The following ZNF804B variants were observed in gnomAD, a reference collection of about 807,000 sequenced individuals.
ZNF804B encodes zinc finger 804B.
In ZNF804B, 80 loss-of-function variants were observed where a neutral mutation model predicts 101.4. The ratio of observed to expected loss-of-function variants is 0.79; its 90% confidence interval spans 0.66 to 0.95. ZNF804B has a LOEUF of 0.95. Ranked by LOEUF, ZNF804B falls within the 40% of genes least tolerant of loss-of-function variation. The pLI is 0.00. For synonymous variants in ZNF804B, 622 were observed against 558.8 expected, an observed-to-expected ratio of 1.11 and a Z score of -1.59; for missense variants, 1,673 against 1,561.9, an observed-to-expected ratio of 1.07 and a Z score of -1.20.
In ZNF804B at chr7:88,899,789, A is replaced by C. The variant is rs115348554; in HGVS notation, c.108+139705A>C. Reference sequence around the variant, plus strand: ...TCCTCAGATACCCATATCTCCTTCTATGTACTAAAATCCATTTTCTCCAAA... The same window carrying C: ...TCCTCAGATACCCATATCTCCTTCTCTGTACTAAAATCCATTTTCTCCAAA... On this transcript the variant is annotated intron_variant, in intron 1 of 3. Transcript: ENST00000333190. Among the ~76,000 whole-genome samples the C allele has an allele frequency of 1.7e-3, 263 of 152,200 alleles. 1 individual carries two copies. Among genetic ancestry groups the C allele is most frequent in the African/African-American group, 6.1e-3 (254 of 41,536 alleles).
At chr7:89,094,114 G>A (rs1274140938) in intron 1 of ZNF804B, among the ~76,000 whole-genome samples, 1 of 152,188 alleles carries the variant, frequency 6.6e-6, no homozygotes, top group East Asian at 1.9e-4. Context: ...ACAGAAAAAT[G>A]AAGATGCGGC....
chr7:88,869,410 A>C (rs2115875026), intron 1 of ZNF804B, among the ~76,000 whole-genome samples: 1 of 152,314 alleles, frequency 6.6e-6, no homozygotes, highest in Admixed American at 6.5e-5. Context: ...AAAATTAAGA[A>C]GTTAGTCAGC....
At chr7:89,229,165 A>C (rs1308949733) in intron 2 of ZNF804B, among the ~76,000 whole-genome samples, 1 of 152,136 alleles carries the variant, frequency 6.6e-6, no homozygotes, top group Non-Finnish European at 1.5e-5. Flanking sequence ...CAGCCCAGGA[A>C]GGGGCTCTCA....
intron 1 of ZNF804B, among the ~76,000 whole-genome samples, chr7:89,019,166 T>C (rs1788618695): frequency 6.6e-6 from 1 of 152,060 alleles, no homozygotes; most frequent in African/African-American, 2.4e-5. Context: ...TCCCATAAGT[T>C]TTGGTGTGCT....
At chr7:88,796,082 C>G (rs934961478) in intron 1 of ZNF804B, among the ~76,000 whole-genome samples, 1 of 151,916 alleles carries the variant, frequency 6.6e-6, no homozygotes, top group African/African-American at 2.4e-5. Context: ...TGAGAAAGTT[C>G]TATAGTAAGA....
chr7:88,760,119 C>T, intron 1 of ZNF804B, 35 bp downstream of exon 1: 1 of 1,542,004 alleles, frequency 6.5e-7, no homozygotes, highest in Non-Finnish European at 9.0e-7. Context: ...CATACACAAA[C>T]GTTCCAACTC....
chr7:88,896,783 C>T (rs1278608485), intron 1 of ZNF804B, among the ~76,000 whole-genome samples: 1 of 152,014 alleles, frequency 6.6e-6, no homozygotes, highest in Non-Finnish European at 1.5e-5. Context: ...ATGTGTTATG[C>T]CCAGTGCCTT....
At chr7:88,941,703 C>A (rs984074135) in intron 1 of ZNF804B, among the ~76,000 whole-genome samples, 19 of 151,778 alleles carry the variant, frequency 1.3e-4, no homozygotes, top group African/African-American at 4.3e-4. Flanking sequence ...ATTATACATT[C>A]GTCAAAATCC....
chr7:88,858,753 G>T (rs771218525), intron 1 of ZNF804B, among the ~76,000 whole-genome samples: 1 of 152,048 alleles, frequency 6.6e-6, no homozygotes, highest in Admixed American at 6.6e-5. Context: ...ACATTTTAGC[G>T]TGGATAAACA....
intron 1 of ZNF804B, among the ~76,000 whole-genome samples, chr7:89,045,687 G>T (rs1053657087): frequency 6.6e-6 from 1 of 152,096 alleles, no homozygotes; most frequent in Non-Finnish European, 1.5e-5. Flanking sequence ...CTTTATTTTG[G>T]CCATTTCGTC....
intron 1 of ZNF804B, among the ~76,000 whole-genome samples, chr7:88,962,135 A>G (rs575811366): frequency 5.3e-5 from 8 of 151,280 alleles, no homozygotes; most frequent in Non-Finnish European, 1.0e-4. Context: ...ATGACAATTC[A>G]TTGTCCTGAG....
chr7:89,099,055 T>C, intron 1 of ZNF804B, among the ~76,000 whole-genome samples: 1 of 147,736 alleles, frequency 6.8e-6, no homozygotes, highest in Non-Finnish European at 1.5e-5. Context: ...TATATATATA[T>C]TATATATGTA....
chr7:88,781,847 C>T (rs28434015), intron 1 of ZNF804B, among the ~76,000 whole-genome samples: 3,438 of 152,002 alleles, frequency 0.023, 123 homozygotes, highest in African/African-American at 0.079. Flanking sequence ...CTTCAAGAGA[C>T]AAAAACCCCC....
intron 1 of ZNF804B, among the ~76,000 whole-genome samples, chr7:89,195,825 T>G (rs139487954): frequency 8.1e-4 from 122 of 150,806 alleles, no homozygotes; most frequent in African/African-American, 2.8e-3. Context: ...AAGAAGAAAA[T>G]ACCTAGAAAT....
intron 1 of ZNF804B, among the ~76,000 whole-genome samples, chr7:89,035,381 A>AT (rs920606524): frequency 2.0e-5 from 3 of 151,668 alleles, no homozygotes; most frequent in Non-Finnish European, 2.9e-5. Flanking sequence ...TGTAATTCTG[A>AT]TTTTTTGTCA....
chr7:88,995,033 G>GA (rs1793900459), intron 1 of ZNF804B, among the ~76,000 whole-genome samples: 1 of 151,998 alleles, frequency 6.6e-6, no homozygotes, highest in African/African-American at 2.4e-5. Flanking sequence ...TTAGTTCCTG[G>GA]AAAAAAATGA....
At chr7:88,854,768 C>A (rs1184466977) in intron 1 of ZNF804B, among the ~76,000 whole-genome samples, 2 of 110,424 alleles carry the variant, frequency 1.8e-5, no homozygotes, top group Non-Finnish European at 3.4e-5. Context: ...CCCGACCCCA[C>A]AACAGGCCCC....
At chr7:88,935,696 C>T (rs1304731101) in intron 1 of ZNF804B, among the ~76,000 whole-genome samples, 4 of 151,796 alleles carry the variant, frequency 2.6e-5, no homozygotes, top group African/African-American at 4.8e-5. Flanking sequence ...CTCTAAAATC[C>T]TATCAAGGAG....
At chr7:89,008,608 T>C (rs1788406140) in intron 1 of ZNF804B, among the ~76,000 whole-genome samples, 1 of 152,188 alleles carries the variant, frequency 6.6e-6, no homozygotes, top group Non-Finnish European at 1.5e-5. Flanking sequence ...GGTGGCAGAC[T>C]TGGTTCTCTC....
Sources: gnomAD v4.1 joint callset for allele counts (sites outside exome capture counted in the v4.1 genomes callset) on GRCh38, gnomAD v4.1.1 for gene constraint, MANE v1.5 for transcripts, NCBI Gene and HGNC (gene_info 2026-07-23, HGNC 2026-07-21) for gene names.